The following CNNM1 variants were observed in gnomAD, a reference collection of about 807,000 sequenced individuals.
CNNM1 encodes metal transporter CNNM1.
In CNNM1, 44 loss-of-function variants were observed where a neutral mutation model predicts 78.8. That is an observed-to-expected ratio of 0.56 (90% CI 0.44 to 0.72). The LOEUF (loss-of-function observed/expected upper bound fraction) is 0.72, where lower values mean the gene tolerates loss of function less well. Among genes scored for constraint, CNNM1 ranks in the 30% least tolerant of loss-of-function variants. The probability of loss-of-function intolerance (pLI) is 0.00; values close to 1 mark genes in which losing one functional copy is unlikely to be tolerated. For synonymous variants in CNNM1, 584 were observed against 581.5 expected, an observed-to-expected ratio of 1.00 and a Z score of -0.06; for missense variants, 1,101 against 1,292.2, an observed-to-expected ratio of 0.85 and a Z score of 2.27.
At chr10:99,375,410 G>A (rs1349855501) in intron 6 of CNNM1, among the ~76,000 whole-genome samples, 1 of 152,194 alleles carries the variant, frequency 6.6e-6, no homozygotes, top group Non-Finnish European at 1.5e-5. Flanking sequence ...CTGCATGTGG[G>A]GCTGAGGGAG....
At chr10:99,353,185 A>G (rs1272641216) in intron 1 of CNNM1, among the ~76,000 whole-genome samples, 1 of 152,036 alleles carries the variant, frequency 6.6e-6, no homozygotes, top group African/African-American at 2.4e-5. Flanking sequence ...TCTTCTTAAG[A>G]GTTGTAAGAT....
chr10:99,391,984 TG>T lies in CNNM1; in HGVS notation c.*471del, dbSNP rs1296278050. 6.3e-6 allele frequency: 1 copy of T among 157,922 alleles called. No individual in the cohort carries two copies. The allele number at this position is 157,922 out of a possible 1,614,324, so 9.8% of individuals were successfully genotyped here. A position where few individuals can be genotyped will look rare whatever the true frequency, so the allele number is the denominator to read the frequency against. Reference sequence around the variant, plus strand: ...AAGGTGCCATTGGCAGACAGGCACATGGGAGGCTGGAGTAGGAGGTCTGAAG... The same window carrying T: ...AAGGTGCCATTGGCAGACAGGCACATGGAGGCTGGAGTAGGAGGTCTGAAG... On this transcript the variant is annotated 3_prime_UTR_variant, in exon 11 of 11. Transcript: ENST00000356713.
chr10:99,387,437 C>A (rs1440747783), intron 7 of CNNM1, among the ~76,000 whole-genome samples: 1 of 152,180 alleles, frequency 6.6e-6, no homozygotes, highest in African/African-American at 2.4e-5. Context: ...CTGCTGGAGT[C>A]CTACCTTATT....
rs944952264 is a variant in CNNM1 at position 99,368,503 on chromosome 10, ATGT to A, written c.2176+3505_2176+3507del. On this transcript the variant is annotated intron_variant, in intron 6 of 10. Coordinates refer to ENST00000356713, the MANE Select transcript of CNNM1 (RefSeq NM_020348.3). ...AGATTCCTTTTTGCAGAGAAATGTG[ATGT>A]TGTGAAGATCCAGGAACAGACTGTC... 39 of 483,664 alleles carry A rather than the reference ATGT, an allele frequency of 8.1e-5. No homozygotes were observed. In the Middle Eastern group the frequency reaches 1.3e-3, roughly 17 times the overall value. 30.0% of individuals were successfully genotyped at this position (483,664 alleles called of 1,614,324 possible). A position where few individuals can be genotyped will look rare whatever the true frequency, so the allele number is the denominator to read the frequency against.
At position 99,365,015 on chromosome 10, in the gene CNNM1, C is replaced by G. The variant is rs769181171; in HGVS notation, c.2176+13C>G. 106 of 1,613,652 alleles carry G rather than the reference C, an allele frequency of 6.6e-5. No homozygotes were observed. The highest frequency in any genetic ancestry group is 8.9e-5 in the Non-Finnish European group (105 of 1,179,750). On this transcript the variant is annotated intron_variant, in intron 6 of 10. Transcript: ENST00000356713. ...TCTTCTGTCTTTCGTATGTATCTCTCAAACCCCTTCCTCGTCCTCCCCATC... is the reference window on the plus strand; with the variant it reads ...TCTTCTGTCTTTCGTATGTATCTCTGAAACCCCTTCCTCGTCCTCCCCATC...
chr10:99,360,988 T>A lies in CNNM1; in HGVS notation c.1858+13T>A. 2.5e-6 allele frequency: 4 copies of A among 1,593,408 alleles called. No individual in the cohort carries two copies. The highest frequency in any genetic ancestry group is 2.7e-5 in the African/African-American group (2 of 74,400). ...TTCATGGCCACAGGTAGGACAAGTC[T>A]CCACTCCAGAGAAGCTAAAACAGAA... On this transcript the variant is annotated intron_variant, in intron 3 of 10. Coordinates refer to ENST00000356713, the MANE Select transcript of CNNM1 (RefSeq NM_020348.3).
rs1354497293 is a variant in CNNM1 at position 99,391,426 on chromosome 10, GT to G, written c.2777-4del. 10 of 1,611,844 alleles carry G rather than the reference GT, an allele frequency of 6.2e-6. No homozygotes were observed. The highest frequency in any genetic ancestry group is 1.1e-5 in the South Asian group (1 of 90,890). On this transcript the variant is annotated splice_polypyrimidine_tract_variant and intron_variant, in intron 10 of 10. Transcript: ENST00000356713. ...TGTTACAGGCTGATACTTGCAACTTGTTTTTTTCAGGTGGCCAAAAAAGGAA... is the reference window on the plus strand; with the variant it reads ...TGTTACAGGCTGATACTTGCAACTTGTTTTTTCAGGTGGCCAAAAAAGGAA...
At position 99,330,725 on chromosome 10, in the gene CNNM1, G is replaced by T. The variant is rs777447275; in HGVS notation, c.1338G>T (p.Ala446=). 2.5e-6 allele frequency: 4 copies of T among 1,614,006 alleles called. No individual in the cohort carries two copies. Among genetic ancestry groups the T allele is most frequent in the South Asian group, 1.1e-5 (1 of 91,088 alleles). ...ACTGCTTCATGCTGCGCTCAGACGC[G>T]GTGCTCGACTTCGCCACTGTCTCCG... ...LGDCFMLRSD[A]VLDFATVSEI... The change falls in exon 1 of 11, where the codon GCG becomes GCT. Residue 446 remains alanine, a synonymous_variant. Coordinates refer to ENST00000356713, the MANE Select transcript of CNNM1 (RefSeq NM_020348.3).
intron 6 of CNNM1, among the ~76,000 whole-genome samples, chr10:99,376,481 C>T (rs2031966215): frequency 6.6e-6 from 1 of 152,214 alleles, no homozygotes; most frequent in South Asian, 2.1e-4. Flanking sequence ...CTGAATGCTT[C>T]CCACTAAAAT....
At position 99,390,364 on chromosome 10, in the gene CNNM1, C is replaced by T. The variant is rs2032437833; in HGVS notation, c.2733C>T (p.Ser911=). Residue 911 remains serine (S), a synonymous_variant, in exon 10 of 11, where the codon AGC becomes AGT. Coordinates refer to ENST00000356713, the MANE Select transcript of CNNM1 (RefSeq NM_020348.3). The part of the protein sequence containing the change: ...NLDTETSPCS[S]DFEENVGKKL... Reference sequence around the variant, plus strand: ...ATACAGAGACCAGCCCCTGCAGTAGCGATTTTGAGGAAAACGTGGGCAAGA... The same window carrying T: ...ATACAGAGACCAGCCCCTGCAGTAGTGATTTTGAGGAAAACGTGGGCAAGA... 6.8e-6 allele frequency: 11 copies of T among 1,613,230 alleles called. No individual in the cohort carries two copies. The East Asian group carries it at 1.1e-4, about 16-fold the overall frequency.
At chr10:99,356,558 CAGACAGAAAGAA>C (rs1343403515) in intron 1 of CNNM1, among the ~76,000 whole-genome samples, 40 of 45,802 alleles carry the variant, frequency 8.7e-4, no homozygotes, top group East Asian at 1.4e-3. Flanking sequence ...GACAGACAGA[CAGACAGAAAGAA>C]AGAAAGAAAG....
chr10:99,330,996 C>G (rs755791908), intron 1 of CNNM1, 36 bp downstream of exon 1: 4 of 1,564,262 alleles, frequency 2.6e-6, no homozygotes, highest in Non-Finnish European at 3.5e-6. Context: ...CAACTCCTAT[C>G]CCCTTCAAAG....
intron 6 of CNNM1, 171 bp downstream of exon 6, chr10:99,365,173 C>T (rs1193742005): frequency 1.4e-6 from 1 of 714,898 alleles, no homozygotes; most frequent in Non-Finnish European, 2.5e-6. Context: ...ACCCACAGAC[C>T]ATGGGAGCTT....
intron 2 of CNNM1, among the ~76,000 whole-genome samples, chr10:99,359,907 A>AAAAC (rs1399581091): frequency 2.0e-5 from 3 of 146,926 alleles, no homozygotes; most frequent in Non-Finnish European, 4.5e-5. Flanking sequence ...AGAACCAAAG[A>AAAAC]AAACATTTCC....
chr10:99,329,401 C>G lies in CNNM1; in HGVS notation c.14C>G (p.Ala5Gly). The G allele has an allele frequency of 1.2e-6, 1 of 806,988 alleles. No individual in the cohort carries two copies. The allele number at this position is 806,988 out of a possible 1,614,324, so 50.0% of individuals were successfully genotyped here. ...GCTGGGTGCAGGATGGCGGCGGCCG[C>G]GGCGGCGGCAGCAGCGGTGGGTGTC... is the stretch of plus-strand genomic sequence containing the variant. MAAAAAAAAAVGVRL... is the reference protein window; with the variant it reads MAAAGAAAAAVGVRL... The change falls in exon 1 of 11, where the codon GCG becomes GGG. Residue 5 changes from alanine to glycine, a missense_variant. Coordinates refer to ENST00000356713, the MANE Select transcript of CNNM1 (RefSeq NM_020348.3).
Position 99,329,620 on chromosome 10 carries a change from C to G in CNNM1, c.233C>G (p.Pro78Arg). ...TTCCTCCTGCGTGTCTATTTCCAGC[C>G]AGGACCGCCGGCCACCGCCGCACCG... Reference protein sequence around the residue: ...TSFLLRVYFQPGPPATAAPVP... With the variant: ...TSFLLRVYFQRGPPATAAPVP... Residue 78 changes from proline (P) to arginine (R), a missense_variant, in exon 1 of 11, where the codon CCA (proline) becomes CGA (arginine). Pro to Arg is a moderately radical substitution (Grantham distance 103). Coordinates refer to ENST00000356713, the MANE Select transcript of CNNM1 (RefSeq NM_020348.3). 6.6e-7 allele frequency: 1 copy of G among 1,509,060 alleles called. No individual in the cohort carries two copies. The highest frequency in any genetic ancestry group is 8.8e-7 in the Non-Finnish European group (1 of 1,137,502). The allele number at this position is 1,509,060 out of a possible 1,614,324, so 93.5% of individuals were successfully genotyped here. A position where few individuals can be genotyped will look rare whatever the true frequency, so the allele number is the denominator to read the frequency against.
At chr10:99,383,401 G>A (rs184841206) in intron 7 of CNNM1, among the ~76,000 whole-genome samples, 162 of 152,236 alleles carry the variant, frequency 1.1e-3, no homozygotes, top group African/African-American at 3.8e-3. Flanking sequence ...AGCCTCCTGA[G>A]TAGTCAGGAT....
intron 4 of CNNM1, among the ~76,000 whole-genome samples, chr10:99,362,959 A>G (rs558912591): frequency 1.1e-3 from 164 of 152,290 alleles, no homozygotes; most frequent in African/African-American, 3.9e-3. Context: ...TGACCTGTTC[A>G]AAGAAGTGCA....
At chr10:99,332,273 G>A (rs1252100160) in intron 1 of CNNM1, among the ~76,000 whole-genome samples, 1 of 151,994 alleles carries the variant, frequency 6.6e-6, no homozygotes, top group African/African-American at 2.4e-5. Flanking sequence ...CTTTGAAGGA[G>A]GCATTCATCT....
Sources: allele counts gnomAD v4.1 joint callset (sites outside exome capture counted in the v4.1 genomes callset), GRCh38; gene constraint gnomAD v4.1.1; transcripts MANE v1.5; gene names NCBI Gene and HGNC (gene_info 2026-07-23, HGNC 2026-07-21).